The following PRRG1 variants were observed in gnomAD, a reference collection of about 807,000 sequenced individuals.
PRRG1 encodes the protein transmembrane gamma-carboxyglutamic acid protein 1.
PRRG1 carries 5 observed loss-of-function variants against 11.8 expected under a neutral mutation model. The ratio of observed to expected loss-of-function variants is 0.42; its 90% confidence interval spans 0.22 to 0.89. The LOEUF is 0.89. PRRG1 is among the 40% of genes least tolerant of loss of function. The probability of loss-of-function intolerance (pLI) is 0.28; values close to 1 mark genes in which losing one functional copy is unlikely to be tolerated. For missense variants in PRRG1, 155 were observed against 166.1 expected, an observed-to-expected ratio of 0.93 and a Z score of 0.37; for synonymous variants, 66 against 60.4, an observed-to-expected ratio of 1.09 and a Z score of -0.43.
chrX:37,410,289 A>G (rs1365950008), intron 2 of PRRG1, among the ~76,000 whole-genome samples: 1 of 112,044 alleles, frequency 8.9e-6, no homozygotes, highest in East Asian at 2.8e-4. Flanking sequence ...TCCTCATTTT[A>G]TGTATTATAA....
intron 3 of PRRG1, among the ~76,000 whole-genome samples, chrX:37,447,221 A>C (rs1264856550): frequency 3.6e-5 from 4 of 111,968 alleles, no homozygotes; most frequent in Non-Finnish European, 7.5e-5. Context: ...CTTGTTCATA[A>C]ATTCATTCCA....
At chrX:37,403,736 G>T (rs1556381213) in intron 1 of PRRG1, 1 of 750,831 alleles carries the variant, frequency 1.3e-6, no homozygotes, top group African/African-American at 2.3e-5. Context: ...GAACAGCAGA[G>T]GATCCGAATG....
In PRRG1 at chrX:37,394,704, T is replaced by C. The variant is rs138728323; in HGVS notation, c.-41-11505T>C. Among the ~76,000 whole-genome samples the C allele has an allele frequency of 6.2e-3, 682 of 110,888 alleles. 8 individuals are homozygous for C. The highest frequency in any genetic ancestry group is 0.021 in the African/African-American group (648 of 30,463). On this transcript the variant is annotated intron_variant, in intron 1 of 3. Transcript: ENST00000378628. The stretch of plus-strand genomic sequence containing the variant: ...CCAAGAATAGGAGTTTCCAGTCTAT[T>C]GTCACAGGAAGCCTGGGAAAGAGGG...
chrX:37,438,492 A>G lies in PRRG1; in HGVS notation c.171+12492A>G, dbSNP rs948120617. 1.8e-4 allele frequency among the ~76,000 whole-genome samples: 17 copies of G among 96,254 alleles called. 1 individual carries two copies. The Admixed American group carries it at 1.9e-3, about 10-fold the overall frequency. 83.6% of individuals were successfully genotyped at this position (96,254 alleles called of 115,157 possible). Reference sequence around the variant, plus strand: ...GCTCTTATTGCCCAGGCTGGAGTGCAATGCCATGATCTCAGCTCACTGCAA... The same window carrying G: ...GCTCTTATTGCCCAGGCTGGAGTGCGATGCCATGATCTCAGCTCACTGCAA... On this transcript the variant is annotated intron_variant, in intron 3 of 3. Coordinates refer to ENST00000378628, the MANE Select transcript of PRRG1 (RefSeq NM_001142395.2).
chrX:37,422,128 G>A (rs1932676296), intron 2 of PRRG1, among the ~76,000 whole-genome samples: 1 of 111,874 alleles, frequency 8.9e-6, no homozygotes, highest in African/African-American at 3.2e-5. Context: ...CTGGTTACTG[G>A]AGTCAGTGGC....
intron 1 of PRRG1, among the ~76,000 whole-genome samples, chrX:37,377,043 A>G (rs1231010268): frequency 9.0e-6 from 1 of 111,132 alleles, no homozygotes; most frequent in African/African-American, 3.3e-5. Flanking sequence ...CCACTAATAA[A>G]TTACCTAAGT....
At position 37,455,474 on chromosome X, in the gene PRRG1, T is replaced by C. The variant is rs782581783; in HGVS notation, c.*1853T>C. 1 of 112,110 alleles carries C rather than the reference T, an allele frequency of 8.9e-6. No homozygotes were observed. The highest frequency in any genetic ancestry group is 2.8e-4 in the East Asian group (1 of 3,588). 9.2% of individuals were successfully genotyped at this position (112,110 alleles called of 1,213,427 possible). A position where few individuals can be genotyped will look rare whatever the true frequency, so the allele number is the denominator to read the frequency against. On this transcript the variant is annotated 3_prime_UTR_variant, in exon 4 of 4. Transcript: ENST00000378628. ...TAGAGCAGGCTGCCCCATAAATGGG[T>C]AACATATTCCTAATCTGAGTGTGTG...
At chrX:37,358,625 T>A (rs1245487074) in intron 1 of PRRG1, among the ~76,000 whole-genome samples, 1 of 111,912 alleles carries the variant, frequency 8.9e-6, no homozygotes, top group Admixed American at 9.5e-5. Flanking sequence ...TAATAGTAAT[T>A]CTTGAAATTA....
At chrX:37,359,948 C>T (rs1930362588) in intron 1 of PRRG1, among the ~76,000 whole-genome samples, 1 of 111,505 alleles carries the variant, frequency 9.0e-6, no homozygotes, top group African/African-American at 3.3e-5. Flanking sequence ...TAAAATTGTT[C>T]ATAATATTCC....
chrX:37,412,435 C>A (rs1556384095), intron 2 of PRRG1, among the ~76,000 whole-genome samples: 2 of 107,058 alleles, frequency 1.9e-5, no homozygotes, highest in Admixed American at 1.0e-4. Context: ...TGTAAAGTAA[C>A]TGTCTTATAA....
chrX:37,444,476 A>G (rs1392031687), intron 3 of PRRG1, among the ~76,000 whole-genome samples: 2 of 111,843 alleles, frequency 1.8e-5, no homozygotes, highest in African/African-American at 6.5e-5. Context: ...CTTCATATAT[A>G]AAATAGAGAT....
chrX:37,429,163 G>C (rs1932802046), intron 3 of PRRG1, among the ~76,000 whole-genome samples: 1 of 112,050 alleles, frequency 8.9e-6, no homozygotes, highest in African/African-American at 3.2e-5. Flanking sequence ...GAAAACCCAT[G>C]ACGTGCCCTG....
chrX:37,418,649 ATAGCCC>A (rs1415146648), intron 2 of PRRG1, among the ~76,000 whole-genome samples: 2 of 111,999 alleles, frequency 1.8e-5, no homozygotes, highest in Non-Finnish European at 3.8e-5. Context: ...TGAACATCAT[ATAGCCC>A]TTTATTGGTA....
rs1602014576 is a variant in PRRG1, at chrX:37,412,185, C to A, written c.10+5926C>A. On this transcript the variant is annotated intron_variant, in intron 2 of 3. Coordinates refer to ENST00000378628, the MANE Select transcript of PRRG1 (RefSeq NM_001142395.2). The stretch of plus-strand genomic sequence containing the variant: ...GTCTTTGTTTCTTATTAAAACATAG[C>A]AGCATAATTCCTCTGGGTCCTTGCA... Among the ~76,000 whole-genome samples the A allele has an allele frequency of 3.6e-5, 4 of 111,810 alleles. No homozygotes were observed. In the Middle Eastern group the frequency reaches 0.018, roughly 515 times the overall value.
intron 1 of PRRG1, among the ~76,000 whole-genome samples, chrX:37,396,744 A>C (rs1393115515): frequency 8.9e-6 from 1 of 112,021 alleles, no homozygotes; most frequent in Non-Finnish European, 1.9e-5. Flanking sequence ...ACTCAAAAAA[A>C]AAAAGCAGAT....
intron 1 of PRRG1, among the ~76,000 whole-genome samples, chrX:37,380,921 C>G (rs1248894984): frequency 1.8e-5 from 2 of 111,468 alleles, no homozygotes; most frequent in African/African-American, 3.3e-5. Context: ...ACCAACTTGG[C>G]AGGATTTCCA....
intron 1 of PRRG1, among the ~76,000 whole-genome samples, chrX:37,400,280 G>A (rs1415524301): frequency 1.8e-5 from 2 of 111,661 alleles, no homozygotes; most frequent in East Asian, 2.8e-4. Flanking sequence ...ATAACAAACT[G>A]TCTCTCAGAC....
intron 3 of PRRG1, among the ~76,000 whole-genome samples, chrX:37,434,598 C>T (rs781959487): frequency 2.7e-5 from 3 of 111,707 alleles, no homozygotes; most frequent in East Asian, 2.8e-4. Context: ...TATTGATTTG[C>T]GCAAACATTT....
chrX:37,445,386 C>G (rs1430579127), intron 3 of PRRG1, among the ~76,000 whole-genome samples: 2 of 112,154 alleles, frequency 1.8e-5, no homozygotes, highest in African/African-American at 6.5e-5. Context: ...CACCCCAGAG[C>G]TACAGTATTA....
Sources: gnomAD v4.1 joint callset for allele counts (sites outside exome capture counted in the v4.1 genomes callset) on GRCh38, gnomAD v4.1.1 for gene constraint, MANE v1.5 for transcripts, NCBI Gene and HGNC (gene_info 2026-07-23, HGNC 2026-07-21) for gene names.